SCEL: variants seen among roughly 807,000 people sequenced by gnomAD.
SCEL encodes the protein sciellin.
Under a neutral mutation model 117.6 loss-of-function variants are expected in SCEL, and 113 were observed. The observed-to-expected ratio is 0.96, with a 90% CI of 0.83 to 1.12. The LOEUF (loss-of-function observed/expected upper bound fraction) is 1.12. SCEL is among the 50% of genes most tolerant of loss of function. SCEL has a pLI of 0.00. For synonymous variants in SCEL, 270 were observed against 256.2 expected (o/e 1.05, Z -0.51); for missense variants, 785 against 810.8 (o/e 0.97, Z 0.39).
intron 12 of SCEL, among the ~76,000 whole-genome samples, chr13:77,597,323 A>C (rs910286361): frequency 1.3e-4 from 19 of 151,962 alleles, no homozygotes; most frequent in African/African-American, 4.4e-4. Flanking sequence ...CAAATGCTGC[A>C]AGGGCTCCAA....
chr13:77,576,272 G>A (rs2085936345), intron 9 of SCEL, among the ~76,000 whole-genome samples: 1 of 151,606 alleles, frequency 6.6e-6, no homozygotes, highest in Admixed American at 6.6e-5. Context: ...GACTCTTTAT[G>A]CCCTTATGAA....
At position 77,609,061 on chromosome 13, in the gene SCEL, C is replaced by T; in HGVS notation, c.1221C>T (p.Ser407=). ...TTTTTTGTTTTTTTGTTTGAAGTTC[C>T]AAAGACCTTAATAACTTCATCAAAG... ...TPEVKRSNQG[S]KDLNNFIKVY... Residue 407 remains serine, a synonymous_variant, in exon 21 of 33, where the codon TCC becomes TCT. Transcript: ENST00000349847. 1.3e-6 allele frequency: 2 copies of T among 1,586,426 alleles called. No homozygotes were observed. The highest frequency in any genetic ancestry group is 1.7e-6 in the Non-Finnish European group (2 of 1,171,650).
At position 77,629,022 on chromosome 13, in the gene SCEL, T is replaced by C. The variant is rs112396517; in HGVS notation, c.1691+1013T>C. On this transcript the variant is annotated intron_variant, in intron 28 of 32. Transcript: ENST00000349847. ...TCATTCAAGTATTATTTGGAAGTGA[T>C]TGGGGTAAAAAAAATTACAAGTAAA... 5.1e-3 allele frequency among the ~76,000 whole-genome samples: 774 copies of C among 152,278 alleles called. 9 individuals carry two copies. Among genetic ancestry groups the C allele is most frequent in the African/African-American group, 0.018 (737 of 41,568 alleles).
At chr13:77,553,437 GA>G (rs140735659) in intron 1 of SCEL, among the ~76,000 whole-genome samples, 3 of 151,074 alleles carry the variant, frequency 2.0e-5, no homozygotes, top group South Asian at 4.2e-4. Context: ...TCGGCTAAGA[GA>G]AAAAAAAATA....
intron 12 of SCEL, 45 bp from the exon 13 acceptor site, chr13:77,597,500 G>T: frequency 8.5e-7 from 1 of 1,172,402 alleles, no homozygotes; most frequent in Admixed American, 2.2e-5. Context: ...TTTGACCCTG[G>T]GCAAGCTTTT....
At chr13:77,574,480 C>T (rs2085821943) in intron 9 of SCEL, among the ~76,000 whole-genome samples, 1 of 152,198 alleles carries the variant, frequency 6.6e-6, no homozygotes, top group Non-Finnish European at 1.5e-5. Context: ...AAAGACTTCT[C>T]TTTGAGCATT....
intron 20 of SCEL, 51 bp downstream of exon 20, chr13:77,608,166 G>T (rs778644839): frequency 1.4e-6 from 2 of 1,417,922 alleles, no homozygotes; most frequent in African/African-American, 1.4e-5. Flanking sequence ...TCCATTTGTG[G>T]CACTCAGGAA....
intron 10 of SCEL, 63 bp from the exon 11 acceptor site, chr13:77,591,332 T>G (rs2086854928): frequency 9.9e-7 from 1 of 1,013,560 alleles, no homozygotes; most frequent in African/African-American, 1.6e-5. Flanking sequence ...TAAAATAAAT[T>G]TCAATTTATC....
rs563971140 is a variant in SCEL at position 77,580,306 on chromosome 13, G to A, written c.545+8117G>A. On this transcript the variant is annotated intron_variant, in intron 9 of 32. Coordinates refer to ENST00000349847, the MANE Select transcript of SCEL (RefSeq NM_144777.3). ...TCTGCCCGAAAGCCTGATGCAAAGC[G>A]TGTCAGCAGTCACTTGGGGATGTCT... Among the ~76,000 whole-genome samples the A allele has an allele frequency of 2.0e-5, 3 of 152,262 alleles. No individual in the cohort carries two copies. The South Asian group carries it at 6.2e-4, about 32-fold the overall frequency.
At chr13:77,571,636 C>T (rs548896682) in intron 8 of SCEL, among the ~76,000 whole-genome samples, 90 of 151,370 alleles carry the variant, frequency 5.9e-4, no homozygotes, top group African/African-American at 1.8e-3. Flanking sequence ...TTGTGGTGAG[C>T]GGAGATCGCG....
intron 19 of SCEL, among the ~76,000 whole-genome samples, chr13:77,604,845 AT>A (rs1440971786): frequency 6.6e-6 from 1 of 152,018 alleles, no homozygotes; most frequent in Non-Finnish European, 1.5e-5. Flanking sequence ...TAGTATGTGG[AT>A]TTAAGTGCAT....
intron 27 of SCEL, among the ~76,000 whole-genome samples, chr13:77,620,759 A>G (rs2089365357): frequency 6.6e-6 from 1 of 151,340 alleles, no homozygotes; most frequent in Non-Finnish European, 1.5e-5. Flanking sequence ...TAGTGACACC[A>G]AGGCCTTTAT....
chr13:77,624,566 A>G (rs2089624224), intron 27 of SCEL, among the ~76,000 whole-genome samples: 1 of 152,208 alleles, frequency 6.6e-6, no homozygotes, highest in Admixed American at 6.5e-5. Flanking sequence ...GGACTTCAAC[A>G]TATGAATTTG....
chr13:77,630,483 G>A (rs2089973465), intron 28 of SCEL, among the ~76,000 whole-genome samples: 1 of 152,144 alleles, frequency 6.6e-6, no homozygotes, highest in South Asian at 2.1e-4. Context: ...TTTGATTAAT[G>A]TTGCTATGAA....
intron 16 of SCEL, 65 bp downstream of exon 16, chr13:77,602,189 A>G: frequency 1.5e-6 from 2 of 1,327,278 alleles, no homozygotes; most frequent in Non-Finnish European, 2.1e-6. Flanking sequence ...CCTCATTAGG[A>G]ATGGGAGTGT....
intron 9 of SCEL, among the ~76,000 whole-genome samples, chr13:77,583,019 CT>C (rs2154399041): frequency 6.6e-6 from 1 of 152,296 alleles, no homozygotes; most frequent in Admixed American, 6.5e-5. Context: ...ATCTTTGTAT[CT>C]ACTGACCAAT....
intron 10 of SCEL, 46 bp downstream of exon 10, chr13:77,589,270 G>T: frequency 7.1e-7 from 1 of 1,416,342 alleles, no homozygotes; most frequent in Non-Finnish European, 1.0e-6. Flanking sequence ...GAAGTTCAAG[G>T]GAAATGAAAG....
chr13:77,581,477 G>T (rs1241471331), intron 9 of SCEL, among the ~76,000 whole-genome samples: 1 of 152,068 alleles, frequency 6.6e-6, no homozygotes, highest in South Asian at 2.1e-4. Context: ...GCAAAGCATC[G>T]CTGCTTTGCC....
chr13:77,629,153 G>T (rs949579657), intron 28 of SCEL, among the ~76,000 whole-genome samples: 1 of 152,208 alleles, frequency 6.6e-6, no homozygotes, highest in Non-Finnish European at 1.5e-5. Context: ...TTTCATGGAA[G>T]TTCAAGAGCA....
Sources: allele counts gnomAD v4.1 joint callset (sites outside exome capture counted in the v4.1 genomes callset), GRCh38; gene constraint gnomAD v4.1.1; transcripts MANE v1.5; gene names NCBI Gene and HGNC (gene_info 2026-07-23, HGNC 2026-07-21).